DOP1B: variants seen among roughly 807,000 people sequenced by gnomAD.
DOP1B encodes the protein DOP1 leucine zipper like protein B, also known as protein DOP1B.
A neutral mutation model predicts 233.5 loss-of-function variants in DOP1B; 174 were observed. The observed-to-expected ratio is 0.75, with a 90% CI of 0.66 to 0.85. DOP1B has a LOEUF of 0.85. Among genes scored for constraint, DOP1B ranks in the 40% least tolerant of loss-of-function variants. DOP1B has a pLI of 0.00. For missense variants in DOP1B, 2,652 were observed against 2,846.6 expected, an observed-to-expected ratio of 0.93 and a Z score of 1.56; for synonymous variants, 1,190 against 1,185.6, an observed-to-expected ratio of 1.00 and a Z score of -0.08.
chr21:36,164,907 G>T (rs2065894907), intron 2 of DOP1B, 36 bp downstream of exon 2: 1 of 1,441,094 alleles, frequency 6.9e-7, no homozygotes, highest in African/African-American at 1.5e-5. Context: ...TTGCATGGAG[G>T]TGGGGACGTA....
At chr21:36,192,756 C>T (rs995898766) in intron 2 of DOP1B, among the ~76,000 whole-genome samples, 20 of 151,156 alleles carry the variant, frequency 1.3e-4, no homozygotes, top group African/African-American at 1.7e-4. Context: ...GGCACGATCT[C>T]GGCTCACTGC....
chr21:36,288,866 G>T, intron 34 of DOP1B, 55 bp downstream of exon 34: 1 of 1,513,394 alleles, frequency 6.6e-7, no homozygotes, highest in Non-Finnish European at 9.1e-7. Context: ...ATTAAAGCAC[G>T]TCACTTTAGA....
intron 2 of DOP1B, among the ~76,000 whole-genome samples, chr21:36,179,628 A>G (rs1429927504): frequency 6.6e-6 from 1 of 152,190 alleles, no homozygotes; most frequent in South Asian, 2.1e-4. Context: ...ATGCACACAC[A>G]GCCATGGAAC....
chr21:36,205,476 C>T (rs1293791651), intron 4 of DOP1B, among the ~76,000 whole-genome samples: 2 of 152,036 alleles, frequency 1.3e-5, no homozygotes, highest in Non-Finnish European at 2.9e-5. Context: ...GCAGCCTCCA[C>T]CTCCTGGGTT....
In DOP1B at chr21:36,260,581, C is replaced by A. The variant is rs897625265; in HGVS notation, c.5260-96C>A. The A allele has an allele frequency of 2.6e-6, 4 of 1,531,894 alleles. No individual in the cohort carries two copies. The African/African-American group carries it at 5.5e-5, about 21-fold the overall frequency. The allele number at this position is 1,531,894 out of a possible 1,614,324, so 94.9% of individuals were successfully genotyped here. A position where few individuals can be genotyped will look rare whatever the true frequency, so the allele number is the denominator to read the frequency against. On this transcript the variant is annotated intron_variant, in intron 23 of 36. Coordinates refer to ENST00000691173, the MANE Select transcript of DOP1B (RefSeq NM_001320714.2). ...AAGATTCTTTAGTCAAAAACCTTTGCTTTGTTAGGCTATAGATCTGTTTCA... is the reference window on the plus strand; with the variant it reads ...AAGATTCTTTAGTCAAAAACCTTTGATTTGTTAGGCTATAGATCTGTTTCA...
chr21:36,239,714 G>C, intron 17 of DOP1B, 51 bp from the exon 18 acceptor site: 7 of 1,479,592 alleles, frequency 4.7e-6, no homozygotes, highest in Middle Eastern at 2.4e-4. Context: ...CACGGTGCCT[G>C]GCGCACAGGG....
At chr21:36,277,136 A>T in intron 28 of DOP1B, 36 bp downstream of exon 28, 1 of 1,599,494 alleles carries the variant, frequency 6.3e-7, no homozygotes, top group Middle Eastern at 1.7e-4. Context: ...CTTTATGGAA[A>T]TGAGCGCCAT....
intron 9 of DOP1B, among the ~76,000 whole-genome samples, chr21:36,218,017 A>G (rs2066581291): frequency 6.6e-6 from 1 of 151,846 alleles, no homozygotes; most frequent in African/African-American, 2.4e-5. Flanking sequence ...CACTTAATTT[A>G]CTCTTTCCAA....
intron 2 of DOP1B, among the ~76,000 whole-genome samples, chr21:36,167,933 TC>T (rs61251550): frequency 0.24 from 17,884 of 73,188 alleles, 2,687 homozygotes; most frequent in South Asian, 0.33. Flanking sequence ...TCTTTTCTTT[TC>T]TTTTTCTTTT....
chr21:36,213,035 A>G (rs1231744832), intron 7 of DOP1B, among the ~76,000 whole-genome samples: 2 of 151,712 alleles, frequency 1.3e-5, no homozygotes, highest in African/African-American at 2.4e-5. Flanking sequence ...GCCCACCTCT[A>G]CCTCCCAAAG....
chr21:36,175,337 C>T (rs538959587), intron 2 of DOP1B, among the ~76,000 whole-genome samples: 1 of 151,562 alleles, frequency 6.6e-6, no homozygotes. Context: ...TCTCGAACTC[C>T]TGACCTTAAG....
At chr21:36,228,732 G>C (rs1466874867) in intron 13 of DOP1B, among the ~76,000 whole-genome samples, 1 of 151,710 alleles carries the variant, frequency 6.6e-6, no homozygotes, top group Non-Finnish European at 1.5e-5. Context: ...TGCCACTGCA[G>C]TCCAGCCTAG....
At chr21:36,274,795 T>C (rs1176371752) in intron 27 of DOP1B, among the ~76,000 whole-genome samples, 1 of 151,970 alleles carries the variant, frequency 6.6e-6, no homozygotes, top group African/African-American at 2.4e-5. Context: ...TAGTTGTCCA[T>C]AGGGCAGTAG....
chr21:36,203,952 G>A (rs897157209), intron 4 of DOP1B, among the ~76,000 whole-genome samples: 9 of 151,944 alleles, frequency 5.9e-5, no homozygotes, highest in Non-Finnish European at 1.3e-4. Context: ...GATTAGAACA[G>A]GGAAAGCACT....
At chr21:36,203,257 T>G (rs1423335256) in intron 4 of DOP1B, among the ~76,000 whole-genome samples, 1 of 152,202 alleles carries the variant, frequency 6.6e-6, no homozygotes, top group East Asian at 1.9e-4. Flanking sequence ...CAGAAGTGAT[T>G]AGTTATCAGC....
Position 36,267,727 on chromosome 21 carries a change from C to T in DOP1B, c.5488-2286C>T, listed in dbSNP as rs1472249677. ...CTTTCTATTTTCCGTAAGTGTCGGC[C>T]GGCTGAGAAATAAAGGGACACAGTA... On this transcript the variant is annotated intron_variant, in intron 26 of 36. Transcript: ENST00000691173. Among the ~76,000 whole-genome samples, 10 of 149,030 alleles carry T rather than the reference C, an allele frequency of 6.7e-5. No individual in the cohort carries two copies. In the South Asian group the frequency reaches 1.1e-3, roughly 16 times the overall value.
intron 18 of DOP1B, 91 bp downstream of exon 18, chr21:36,240,046 A>C (rs2066875792): frequency 1.4e-6 from 2 of 1,399,782 alleles, no homozygotes; most frequent in Non-Finnish European, 1.9e-6. Context: ...GAGGCCCACT[A>C]GGGGGTTTTG....
intron 5 of DOP1B, among the ~76,000 whole-genome samples, chr21:36,210,922 G>T (rs2066489243): frequency 6.6e-6 from 1 of 152,170 alleles, no homozygotes; most frequent in Non-Finnish European, 1.5e-5. Context: ...ACTCTTCCCT[G>T]CAGGCCCTGC....
intron 26 of DOP1B, among the ~76,000 whole-genome samples, chr21:36,267,588 G>A (rs2123652463): frequency 7.1e-6 from 1 of 141,336 alleles, no homozygotes; most frequent in African/African-American, 2.9e-5. Context: ...GGAGCCTAAG[G>A]ATGGCTTGAG....
Sources: gnomAD v4.1 joint callset for allele counts (sites outside exome capture counted in the v4.1 genomes callset) on GRCh38, gnomAD v4.1.1 for gene constraint, MANE v1.5 for transcripts, NCBI Gene and HGNC (gene_info 2026-07-23, HGNC 2026-07-21) for gene names.